OTUD4: variants seen among roughly 807,000 people sequenced by gnomAD.
OTUD4 encodes the protein OTU deubiquitinase 4.
Under a neutral mutation model 130.4 loss-of-function variants are expected in OTUD4, and 24 were observed. The observed-to-expected ratio is 0.18, with a 90% CI of 0.13 to 0.26. The LOEUF is 0.26. OTUD4 is among the 10% of genes least tolerant of loss of function. The pLI is 1.00. For synonymous variants in OTUD4, 420 were observed against 472.5 expected, an observed-to-expected ratio of 0.89 and a Z score of 1.44; for missense variants, 1,031 against 1,329.4, an observed-to-expected ratio of 0.78 and a Z score of 3.49.
chr4:145,152,492 G>T, intron 11 of OTUD4, 49 bp downstream of exon 11: 1 of 985,634 alleles, frequency 1.0e-6, no homozygotes, highest in Non-Finnish European at 1.6e-6. Flanking sequence ...CTCATGATTA[G>T]GCTAAATGGA....
At chr4:145,148,750 G>GTAACA (rs1560982895) in intron 13 of OTUD4, among the ~76,000 whole-genome samples, 7 of 151,990 alleles carry the variant, frequency 4.6e-5, no homozygotes. Flanking sequence ...TCAAAAAATG[G>GTAACA]GAATATTAAA....
At chr4:145,141,168 CA>C (rs1200809073) in intron 19 of OTUD4, among the ~76,000 whole-genome samples, 1,736 of 54,946 alleles carry the variant, frequency 0.032, 11 homozygotes, top group African/African-American at 0.068. Flanking sequence ...GACTCCGTCT[CA>C]AAAAAAAAAA....
chr4:145,151,335 GAA>G (rs1173227512), intron 11 of OTUD4, among the ~76,000 whole-genome samples: 1 of 152,098 alleles, frequency 6.6e-6, no homozygotes, highest in Non-Finnish European at 1.5e-5. Flanking sequence ...AGGGAAAATA[GAA>G]TAGAAAATAT....
chr4:145,142,128 T>C (rs942557753), intron 18 of OTUD4, 68 bp downstream of exon 18: 43 of 1,407,234 alleles, frequency 3.1e-5, no homozygotes, highest in Non-Finnish European at 4.1e-5. Context: ...AAACTTCCAC[T>C]CAAGAATTTG....
chr4:145,150,252 T>C (rs1357790753), intron 13 of OTUD4, among the ~76,000 whole-genome samples: 2 of 152,142 alleles, frequency 1.3e-5, no homozygotes, highest in Admixed American at 1.3e-4. Context: ...CAGAATAGAA[T>C]TGGGCTAGAA....
At chr4:145,165,063 A>G in intron 4 of OTUD4, 88 bp downstream of exon 4, 4 of 691,638 alleles carry the variant, frequency 5.8e-6, no homozygotes, top group Non-Finnish European at 9.5e-6. Flanking sequence ...AGTATAAAAG[A>G]GCTTTGCTAT....
At chr4:145,162,168 TATA>T (rs1751605078) in intron 6 of OTUD4, among the ~76,000 whole-genome samples, 1 of 152,196 alleles carries the variant, frequency 6.6e-6, no homozygotes, top group South Asian at 2.1e-4. Context: ...AAGTTTTTAT[TATA>T]ATATTAATAC....
chr4:145,172,506 C>T (rs1350258738), intron 2 of OTUD4, among the ~76,000 whole-genome samples: 1 of 152,172 alleles, frequency 6.6e-6, no homozygotes, highest in Non-Finnish European at 1.5e-5. Flanking sequence ...TGTAATAACA[C>T]AACCTTTTTT....
intron 1 of OTUD4, among the ~76,000 whole-genome samples, chr4:145,176,387 T>C (rs1161469984): frequency 3.3e-5 from 5 of 151,788 alleles, no homozygotes; most frequent in African/African-American, 1.2e-4. Flanking sequence ...AAAGTATCTT[T>C]AAAAGTTACA....
intron 1 of OTUD4, 196 bp downstream of exon 1, chr4:145,179,619 T>A: frequency 7.2e-7 from 1 of 1,385,604 alleles, no homozygotes; most frequent in Non-Finnish European, 9.3e-7. Context: ...TTTGCGGGCT[T>A]TCGAGTTTCA....
chr4:145,159,108 T>G, intron 7 of OTUD4: 4 of 1,025,880 alleles, frequency 3.9e-6, no homozygotes, highest in Non-Finnish European at 4.7e-6. Context: ...AAAGAGGCAC[T>G]ACCTAAGAAA....
At chr4:145,164,278 GAATTTA>G in intron 4 of OTUD4, 52 bp from the exon 5 acceptor site, 1 of 855,378 alleles carries the variant, frequency 1.2e-6, no homozygotes, top group Non-Finnish European at 1.8e-6. Flanking sequence ...TCATGAATTT[GAATTTA>G]ATCATTCATT....
intron 18 of OTUD4, 114 bp downstream of exon 18, chr4:145,142,082 T>C: frequency 1.2e-6 from 1 of 857,172 alleles, no homozygotes; most frequent in East Asian, 2.4e-5. Flanking sequence ...CAGAAAGCTC[T>C]GTGAGGCTCC....
chr4:145,144,218 A>C lies in OTUD4; in HGVS notation c.1546+93T>G, dbSNP rs1750715441. ...TGTGACATTAGATAAACTACTTAAC[A>C]ACTTAAAAAGGGTTCTTTCCCAAAT... On this transcript the variant is annotated intron_variant, in intron 15 of 20. Transcript: ENST00000447906. The C allele has an allele frequency of 1.7e-5, 24 of 1,379,228 alleles. No homozygotes were observed. In the South Asian group the frequency reaches 3.0e-4, roughly 17 times the overall value. 85.4% of individuals were successfully genotyped at this position (1,379,228 alleles called of 1,614,324 possible).
At chr4:145,147,038 C>T (rs1750858253) in intron 13 of OTUD4, among the ~76,000 whole-genome samples, 1 of 152,104 alleles carries the variant, frequency 6.6e-6, no homozygotes, top group African/African-American at 2.4e-5. Context: ...AAAAGGATGA[C>T]AAGAAATTAA....
chr4:145,167,674 T>C (rs1408621220), intron 3 of OTUD4, among the ~76,000 whole-genome samples: 2 of 152,094 alleles, frequency 1.3e-5, no homozygotes, highest in Non-Finnish European at 2.9e-5. Context: ...CTGGCCAACA[T>C]GGTGAAACCC....
intron 14 of OTUD4, among the ~76,000 whole-genome samples, chr4:145,144,797 A>AT (rs544084905): frequency 1.4e-4 from 21 of 152,216 alleles, no homozygotes; most frequent in South Asian, 4.1e-4. Flanking sequence ...GTAGCGCCAT[A>AT]TTTTTTGGTG....
intron 13 of OTUD4, among the ~76,000 whole-genome samples, chr4:145,149,870 T>C (rs1750987568): frequency 6.6e-6 from 1 of 152,144 alleles, no homozygotes; most frequent in African/African-American, 2.4e-5. Context: ...TGAAGACAGT[T>C]TCAACATAAG....
At chr4:145,172,116 G>C (rs376300708) in intron 2 of OTUD4, among the ~76,000 whole-genome samples, 2 of 152,358 alleles carry the variant, frequency 1.3e-5, no homozygotes, top group South Asian at 2.1e-4. Context: ...TTGTGGAACT[G>C]AGTGGGAGAA....
Sources: allele counts gnomAD v4.1 joint callset (sites outside exome capture counted in the v4.1 genomes callset), GRCh38; gene constraint gnomAD v4.1.1; transcripts MANE v1.5; gene names NCBI Gene and HGNC (gene_info 2026-07-23, HGNC 2026-07-21).